The following GNAQ variants were observed in gnomAD, a reference collection of about 807,000 sequenced individuals.
GNAQ encodes guanine nucleotide-binding protein G(q) subunit alpha.
A neutral mutation model predicts 43.9 loss-of-function variants in GNAQ; 8 were observed. The ratio of observed to expected loss-of-function variants is 0.18; its 90% CI spans 0.11 to 0.33. The LOEUF is 0.33. GNAQ is among the 10% of genes least tolerant of loss of function. The pLI, the probability that GNAQ is intolerant of heterozygous loss-of-function variation, is 1.00. For missense variants in GNAQ, 158 were observed against 450.8 expected (o/e 0.35, Z 5.88); for synonymous variants, 155 against 170.7 (o/e 0.91, Z 0.71).
intron 1 of GNAQ, among the ~76,000 whole-genome samples, chr9:77,984,454 C>T (rs1484083207): frequency 3.3e-5 from 5 of 152,106 alleles, no homozygotes; most frequent in Non-Finnish European, 5.9e-5. Context: ...GCCACCACAT[C>T]CAGCCTGAAG....
At chr9:77,762,425 G>C (rs1428395039) in intron 5 of GNAQ, among the ~76,000 whole-genome samples, 1 of 118,390 alleles carries the variant, frequency 8.4e-6, no homozygotes, top group Non-Finnish European at 1.7e-5. Flanking sequence ...GGAGGGAGGT[G>C]GGGGGGTCAG....
chr9:77,765,694 T>A (rs1826124576), intron 5 of GNAQ, among the ~76,000 whole-genome samples: 1 of 152,222 alleles, frequency 6.6e-6, no homozygotes, highest in Non-Finnish European at 1.5e-5. Context: ...TGAAAAACAG[T>A]ATGGCAATTC....
intron 5 of GNAQ, among the ~76,000 whole-genome samples, chr9:77,765,199 A>G (rs1253962442): frequency 1.3e-5 from 2 of 152,214 alleles, no homozygotes; most frequent in African/African-American, 4.8e-5. Context: ...GCTAAAGGAC[A>G]TTCTCCATGC....
chr9:77,844,233 GC>G (rs1222620823), intron 2 of GNAQ, among the ~76,000 whole-genome samples: 1 of 151,986 alleles, frequency 6.6e-6, no homozygotes, highest in Non-Finnish European at 1.5e-5. Context: ...ACTACCAAGG[GC>G]TTCACATCTA....
intron 2 of GNAQ, among the ~76,000 whole-genome samples, chr9:77,861,690 C>A (rs1357480973): frequency 6.6e-6 from 1 of 152,142 alleles, no homozygotes; most frequent in Non-Finnish European, 1.5e-5. Flanking sequence ...CCATGTCTCA[C>A]ATCCCGGTCA....
chr9:77,904,991 A>G (rs973697593), intron 2 of GNAQ, among the ~76,000 whole-genome samples: 2 of 152,234 alleles, frequency 1.3e-5, no homozygotes, highest in African/African-American at 4.8e-5. Context: ...TTGTTCAACT[A>G]AAGAAAACTA....
intron 1 of GNAQ, among the ~76,000 whole-genome samples, chr9:78,003,812 T>TAAAAAA (rs557188160): frequency 1.1e-5 from 1 of 91,602 alleles, no homozygotes; most frequent in Admixed American, 1.2e-4. Flanking sequence ...CAAGACTGTC[T>TAAAAAA]AAAAAAAAAA....
chr9:77,791,947 T>G (rs547141728), intron 5 of GNAQ, among the ~76,000 whole-genome samples: 83 of 152,300 alleles, frequency 5.4e-4, no homozygotes, highest in African/African-American at 1.9e-3. Flanking sequence ...CTGGGGAAAC[T>G]AGAATTCTGT....
At chr9:77,766,128 C>T (rs965436871) in intron 5 of GNAQ, among the ~76,000 whole-genome samples, 8 of 152,170 alleles carry the variant, frequency 5.3e-5, no homozygotes, top group African/African-American at 1.9e-4. Context: ...AAAGTTCTGA[C>T]GATCCATGTA....
At chr9:77,731,354 C>T (rs1458702639) in intron 5 of GNAQ, among the ~76,000 whole-genome samples, 1 of 152,114 alleles carries the variant, frequency 6.6e-6, no homozygotes, top group East Asian at 1.9e-4. Context: ...GACAACTTGC[C>T]CAGGGTGCTG....
intron 1 of GNAQ, among the ~76,000 whole-genome samples, chr9:77,984,049 CAAAAAAAAAA>C (rs72279886): frequency 2.8e-4 from 19 of 67,962 alleles, no homozygotes; most frequent in African/African-American, 5.6e-4. Flanking sequence ...TTTTGGAGAG[CAAAAAAAAAA>C]AAAAAAAAAA....
chr9:77,811,502 T>C (rs934649056), intron 3 of GNAQ, among the ~76,000 whole-genome samples: 9 of 152,088 alleles, frequency 5.9e-5, no homozygotes, highest in African/African-American at 2.2e-4. Context: ...TGAACATGAT[T>C]TTTAGTACTG....
intron 2 of GNAQ, among the ~76,000 whole-genome samples, chr9:77,840,738 T>C (rs1246164771): frequency 6.6e-6 from 1 of 152,212 alleles, no homozygotes; most frequent in Non-Finnish European, 1.5e-5. Context: ...TTATCAGTCT[T>C]CCATTGTTGA....
chr9:77,748,736 A>C (rs965394317), intron 5 of GNAQ, among the ~76,000 whole-genome samples: 1 of 152,222 alleles, frequency 6.6e-6, no homozygotes, highest in African/African-American at 2.4e-5. Context: ...TAGAATATGA[A>C]AATAGGTAGC....
At chr9:77,874,187 CA>C (rs1828093126) in intron 2 of GNAQ, among the ~76,000 whole-genome samples, 1 of 151,906 alleles carries the variant, frequency 6.6e-6, no homozygotes, top group Non-Finnish European at 1.5e-5. Flanking sequence ...ATTCCTTTTT[CA>C]TAAGTACAGA....
At chr9:77,902,710 G>A (rs1385926667) in intron 2 of GNAQ, among the ~76,000 whole-genome samples, 1 of 152,128 alleles carries the variant, frequency 6.6e-6, no homozygotes, top group African/African-American at 2.4e-5. Flanking sequence ...AAAAATGAAC[G>A]CCAATTTGTT....
intron 5 of GNAQ, among the ~76,000 whole-genome samples, chr9:77,766,661 G>A (rs564383974): frequency 6.6e-6 from 1 of 152,104 alleles, no homozygotes; most frequent in African/African-American, 2.4e-5. Context: ...GGGAGGCTGG[G>A]GATGTCAGAC....
At chr9:78,031,000 G>T in intron 1 of GNAQ, 100 bp downstream of exon 1, 1 of 886,846 alleles carries the variant, frequency 1.1e-6, no homozygotes, top group South Asian at 3.8e-5. Context: ...GGCGAACCGC[G>T]GGCGCCGGGG....
At chr9:77,998,783 C>A (rs527556606) in intron 1 of GNAQ, among the ~76,000 whole-genome samples, 10 of 151,938 alleles carry the variant, frequency 6.6e-5, no homozygotes, top group Non-Finnish European at 1.5e-4. Flanking sequence ...TATTTAATAA[C>A]CACTGCAATA....
Sources: allele counts gnomAD v4.1 joint callset (sites outside exome capture counted in the v4.1 genomes callset), GRCh38; gene constraint gnomAD v4.1.1; transcripts MANE v1.5; gene names NCBI Gene and HGNC (gene_info 2026-07-23, HGNC 2026-07-21).